The following EPC1 variants were observed in gnomAD, a reference collection of about 807,000 sequenced individuals.
EPC1 encodes the protein enhancer of polycomb 1, also known as enhancer of polycomb homolog 1.
EPC1 carries 12 observed loss-of-function variants against 98.4 expected under a neutral mutation model. The observed-to-expected ratio is 0.12, with a 90% CI of 0.08 to 0.20. The LOEUF is 0.20. Among genes scored for constraint, EPC1 ranks in the 10% least tolerant of loss-of-function variants. The probability of loss-of-function intolerance (pLI) is 1.00; values close to 1 mark genes in which losing one functional copy is unlikely to be tolerated. For synonymous variants in EPC1, 357 were observed against 363.9 expected (o/e 0.98, Z 0.21); for missense variants, 729 against 990.5 (o/e 0.74, Z 3.54).
chr10:32,275,698 C>A (rs111875937), intron 10 of EPC1, among the ~76,000 whole-genome samples: 13 of 151,708 alleles, frequency 8.6e-5, no homozygotes, highest in Non-Finnish European at 7.4e-5. Context: ...TGGTGTGAAC[C>A]CGGGAGGCGA....
chr10:32,286,468 G>A (rs1836683971), intron 9 of EPC1: 1 of 512,184 alleles, frequency 2.0e-6, no homozygotes, highest in Admixed American at 3.4e-5. Context: ...TTTCCACCTT[G>A]GGGAGAAAAG....
rs1006133899 is a variant in EPC1 at position 32,284,612 on chromosome 10, A to G, written c.1744+86T>C. 4 of 1,130,404 alleles carry G rather than the reference A, an allele frequency of 3.5e-6. No individual in the cohort carries two copies. In the African/African-American group the frequency reaches 6.3e-5, roughly 18 times the overall value. The allele number at this position is 1,130,404 out of a possible 1,614,324, so 70.0% of individuals were successfully genotyped here. A position where few individuals can be genotyped will look rare whatever the true frequency, so the allele number is the denominator to read the frequency against. ...AAGAGAAAAGGACTTTAAGCCATAA[A>G]TGTAACAGACCACATAGTCGAACAA... On this transcript the variant is annotated intron_variant, in intron 10 of 13. Coordinates refer to ENST00000319778, the MANE Select transcript of EPC1 (RefSeq NM_001272004.3).
At chr10:32,279,501 A>G (rs1461994372) in intron 10 of EPC1, among the ~76,000 whole-genome samples, 1 of 152,214 alleles carries the variant, frequency 6.6e-6, no homozygotes, top group Non-Finnish European at 1.5e-5. Context: ...GTTGCAAACT[A>G]AATTGCACTA....
At chr10:32,313,188 C>A (rs908532960) in intron 1 of EPC1, among the ~76,000 whole-genome samples, 1 of 151,888 alleles carries the variant, frequency 6.6e-6, no homozygotes, top group Non-Finnish European at 1.5e-5. Flanking sequence ...CAGAAATTAT[C>A]CACTAATCAT....
intron 1 of EPC1, among the ~76,000 whole-genome samples, chr10:32,340,785 G>A (rs1050142890): frequency 6.6e-6 from 1 of 152,072 alleles, no homozygotes; most frequent in Non-Finnish European, 1.5e-5. Flanking sequence ...AGCTATGATC[G>A]TGTCACTGCT....
At chr10:32,358,847 A>G (rs1343537097) in intron 1 of EPC1, among the ~76,000 whole-genome samples, 1 of 152,190 alleles carries the variant, frequency 6.6e-6, no homozygotes, top group Non-Finnish European at 1.5e-5. Flanking sequence ...TAGCATTTTC[A>G]AAAACTAGGC....
chr10:32,318,378 CA>C (rs369378421), intron 1 of EPC1, among the ~76,000 whole-genome samples: 51 of 152,244 alleles, frequency 3.3e-4, no homozygotes, highest in African/African-American at 1.2e-3. Context: ...CTTATATAAT[CA>C]ATAACACAAA....
chr10:32,286,183 C>A (rs1001532440), intron 9 of EPC1: 3 of 152,702 alleles, frequency 2.0e-5, no homozygotes, highest in African/African-American at 7.2e-5. Context: ...TGTCCCCATA[C>A]AAGCAACTCG....
intron 1 of EPC1, chr10:32,377,543 C>T (rs371610200): frequency 5.9e-5 from 9 of 152,290 alleles, no homozygotes; most frequent in East Asian, 5.8e-4. Flanking sequence ...GATGTTCCCT[C>T]GGCTGGTTGT....
chr10:32,378,113 C>T (rs1839906989), intron 1 of EPC1, among the ~76,000 whole-genome samples: 1 of 151,978 alleles, frequency 6.6e-6, no homozygotes, highest in Non-Finnish European at 1.5e-5. Context: ...AAAACTATAT[C>T]CATAGTTTGC....
At chr10:32,356,086 A>G (rs77764868) in intron 1 of EPC1, among the ~76,000 whole-genome samples, 1,963 of 152,296 alleles carry the variant, frequency 0.013, 21 homozygotes, top group Middle Eastern at 0.017. Flanking sequence ...AGTACAATTT[A>G]TTAGTGGGTG....
chr10:32,273,251 T>C lies in EPC1; in HGVS notation c.1775A>G (p.Gln592Arg). The part of the protein sequence containing the change: ...AFTAEQYQQH[Q>R]QQLALMQKQQ... ...TTTCTGCATGAGTGCCAGTTGCTGT[T>C]GATGTTGCTGGTATTGTTCGGCTGT... Residue 592 changes from glutamine to arginine, a missense_variant, in exon 11 of 14, where the codon CAA becomes CGA. Physicochemically the swap from Gln to Arg is conservative, Grantham distance 43. Coordinates refer to ENST00000319778, the MANE Select transcript of EPC1 (RefSeq NM_001272004.3). The C allele has an allele frequency of 1.9e-6, 3 of 1,614,046 alleles. No homozygotes were observed. The highest frequency in any genetic ancestry group is 2.5e-6 in the Non-Finnish European group (3 of 1,179,890).
intron 10 of EPC1, among the ~76,000 whole-genome samples, chr10:32,280,896 C>T (rs926270500): frequency 4.6e-5 from 7 of 152,254 alleles, no homozygotes; most frequent in Middle Eastern, 3.4e-3. Flanking sequence ...CTAATATGAA[C>T]GTCTGAAATC....
At chr10:32,287,973 T>C (rs1178307317) in intron 6 of EPC1, among the ~76,000 whole-genome samples, 1 of 152,026 alleles carries the variant, frequency 6.6e-6, no homozygotes, top group African/African-American at 2.4e-5. Context: ...ATGGCAAAGG[T>C]TGGGAGAAGT....
At chr10:32,358,329 G>C (rs1193226239) in intron 1 of EPC1, among the ~76,000 whole-genome samples, 2 of 152,078 alleles carry the variant, frequency 1.3e-5, no homozygotes, top group Non-Finnish European at 2.9e-5. Context: ...AATCTGAATA[G>C]TACTTTTAAA....
At chr10:32,317,189 T>C (rs1382700210) in intron 1 of EPC1, among the ~76,000 whole-genome samples, 2 of 152,122 alleles carry the variant, frequency 1.3e-5, no homozygotes, top group Non-Finnish European at 2.9e-5. Flanking sequence ...AGGAGTGAGA[T>C]TTTTTTGCTT....
intron 10 of EPC1, chr10:32,282,731 A>G (rs1349271638): frequency 6.6e-6 from 1 of 152,250 alleles, no homozygotes; most frequent in Non-Finnish European, 1.5e-5. Context: ...AAAAAAGAGC[A>G]TTATAAAATC....
chr10:32,336,132 G>C (rs1446889548), intron 1 of EPC1, among the ~76,000 whole-genome samples: 1 of 148,324 alleles, frequency 6.7e-6, no homozygotes, highest in Non-Finnish European at 1.5e-5. Context: ...GCAATGGCAC[G>C]ATCTCGGCTC....
chr10:32,349,813 T>TGCTCCTGA (rs1839059595), upstream of EPC1, among the ~76,000 whole-genome samples: 1 of 152,190 alleles, frequency 6.6e-6, no homozygotes, highest in Non-Finnish European at 1.5e-5. Flanking sequence ...TTGCCCAGGC[T>TGCTCCTGA]GCTCCTGAGC....
Sources: allele counts gnomAD v4.1 joint callset (sites outside exome capture counted in the v4.1 genomes callset), GRCh38; gene constraint gnomAD v4.1.1; transcripts MANE v1.5; gene names NCBI Gene and HGNC (gene_info 2026-07-23, HGNC 2026-07-21).